B3GALT1: variants seen among roughly 807,000 people sequenced by gnomAD.
B3GALT1 encodes the protein beta-1,3-galactosyltransferase 1, also known as UDP-Gal:betaGlcNAc beta 1,3-galactosyltransferase, polypeptide 1.
A neutral mutation model predicts 23.2 loss-of-function variants in B3GALT1; 10 were observed. The ratio of observed to expected loss-of-function variants is 0.43; its 90% CI spans 0.27 to 0.73. The LOEUF (loss-of-function observed/expected upper bound fraction) is 0.73, where lower values mean the gene tolerates loss of function less well. Among genes scored for constraint, B3GALT1 ranks in the 30% least tolerant of loss-of-function variants. The pLI, the probability that B3GALT1 is intolerant of heterozygous loss-of-function variation, is 0.21. For synonymous variants in B3GALT1, 156 were observed against 141.5 expected (o/e 1.10, Z -0.73); for missense variants, 299 against 405.4 (o/e 0.74, Z 2.25).
At chr2:167,628,801 G>A (rs1685390049) in intron 2 of B3GALT1, among the ~76,000 whole-genome samples, 1 of 151,646 alleles carries the variant, frequency 6.6e-6, no homozygotes, top group African/African-American at 2.4e-5. Context: ...TTAACTGTAA[G>A]CAGTAAAGGC....
At chr2:167,463,084 T>C (rs1699288722) in intron 1 of B3GALT1, among the ~76,000 whole-genome samples, 1 of 152,174 alleles carries the variant, frequency 6.6e-6, no homozygotes, top group South Asian at 2.1e-4. Context: ...TTAAGTTTCA[T>C]CTTTCTTGCA....
intron 3 of B3GALT1, among the ~76,000 whole-genome samples, chr2:167,732,390 C>T (rs1419101738): frequency 1.3e-5 from 2 of 152,208 alleles, no homozygotes; most frequent in Non-Finnish European, 2.9e-5. Flanking sequence ...TTTGGATTCA[C>T]AGTGGTCACT....
chr2:167,585,515 C>G (rs914525837), intron 2 of B3GALT1, among the ~76,000 whole-genome samples: 2 of 152,096 alleles, frequency 1.3e-5, no homozygotes, highest in Non-Finnish European at 2.9e-5. Context: ...AACTACACAC[C>G]CACTAGAATT....
chr2:167,749,194 G>A (rs1179528509), intron 3 of B3GALT1, among the ~76,000 whole-genome samples: 2 of 152,158 alleles, frequency 1.3e-5, no homozygotes, highest in African/African-American at 4.8e-5. Flanking sequence ...CAGATATTGT[G>A]TAACAAGTTA....
intron 2 of B3GALT1, among the ~76,000 whole-genome samples, chr2:167,629,485 A>C (rs1558929940): frequency 6.6e-6 from 1 of 151,712 alleles, no homozygotes; most frequent in East Asian, 1.9e-4. Context: ...ATTCTCATAC[A>C]TGAATTAAGT....
intron 3 of B3GALT1, among the ~76,000 whole-genome samples, chr2:167,665,204 G>C (rs1190167782): frequency 4.0e-5 from 6 of 148,660 alleles, no homozygotes; most frequent in African/African-American, 1.5e-4. Context: ...GGCCTTTTCT[G>C]CATCTATTGA....
chr2:167,835,183 G>A (rs958934704), intron 4 of B3GALT1, among the ~76,000 whole-genome samples: 35 of 152,228 alleles, frequency 2.3e-4, no homozygotes, highest in Admixed American at 7.2e-4. Flanking sequence ...AGTGGGTGCA[G>A]GTTAGTGGGT....
At chr2:167,851,272 T>C (rs1437890134) in intron 4 of B3GALT1, among the ~76,000 whole-genome samples, 1 of 151,810 alleles carries the variant, frequency 6.6e-6, no homozygotes, top group Non-Finnish European at 1.5e-5. Context: ...TGTGATTAGG[T>C]TTACCCCATA....
intron 3 of B3GALT1, among the ~76,000 whole-genome samples, chr2:167,743,979 A>G (rs149601757): frequency 2.0e-4 from 31 of 152,290 alleles, no homozygotes; most frequent in African/African-American, 7.5e-4. Context: ...TTCAGCTGAA[A>G]TATTTTTAAT....
chr2:167,826,209 CCCG>C (rs2105372845), intron 4 of B3GALT1, among the ~76,000 whole-genome samples: 1 of 152,218 alleles, frequency 6.6e-6, no homozygotes, highest in Admixed American at 6.5e-5. Flanking sequence ...TCACTTGACT[CCCG>C]GTCTTGCGCT....
At chr2:167,527,242 A>G (rs1683237991) in intron 2 of B3GALT1, among the ~76,000 whole-genome samples, 1 of 152,092 alleles carries the variant, frequency 6.6e-6, no homozygotes, top group Non-Finnish European at 1.5e-5. Context: ...AACCAACCAT[A>G]TCAATGATAT....
intron 2 of B3GALT1, among the ~76,000 whole-genome samples, chr2:167,509,962 T>A: frequency 6.6e-6 from 1 of 152,062 alleles, no homozygotes; most frequent in East Asian, 1.9e-4. Context: ...CAGAGAGAGA[T>A]GAGAATGGTG....
intron 2 of B3GALT1, among the ~76,000 whole-genome samples, chr2:167,579,095 T>C (rs1218283120): frequency 6.6e-6 from 1 of 152,098 alleles, no homozygotes; most frequent in Admixed American, 6.6e-5. Flanking sequence ...AATCATTTTT[T>C]ACATTGCTTA....
chr2:167,689,449 G>A (rs184102487), intron 3 of B3GALT1, among the ~76,000 whole-genome samples: 2 of 151,948 alleles, frequency 1.3e-5, no homozygotes, highest in South Asian at 2.1e-4. Context: ...AATAAAAGGA[G>A]GAATAGTGGA....
chr2:167,487,351 G>C (rs1699643161), intron 1 of B3GALT1, among the ~76,000 whole-genome samples: 1 of 152,146 alleles, frequency 6.6e-6, no homozygotes, highest in African/African-American at 2.4e-5. Flanking sequence ...TCTGTTTAAA[G>C]TAAGCTTCTC....
At chr2:167,646,083 T>C (rs1311255572) in intron 2 of B3GALT1, among the ~76,000 whole-genome samples, 1 of 152,154 alleles carries the variant, frequency 6.6e-6, no homozygotes, top group African/African-American at 2.4e-5. Flanking sequence ...AAAGAAAGCA[T>C]AGAGATGATC....
At chr2:167,464,107 T>C (rs1699307587) in intron 1 of B3GALT1, among the ~76,000 whole-genome samples, 1 of 152,066 alleles carries the variant, frequency 6.6e-6, no homozygotes, top group Non-Finnish European at 1.5e-5. Context: ...AAGCAGTTAA[T>C]TTAAATGATT....
intron 1 of B3GALT1, among the ~76,000 whole-genome samples, chr2:167,362,135 A>AT (rs1013968505): frequency 2.5e-3 from 370 of 149,280 alleles, no homozygotes; most frequent in African/African-American, 4.8e-3. Context: ...GGTAGCAGAG[A>AT]TTTTTTTTTT....
chr2:167,464,173 T>G (rs6711972), intron 1 of B3GALT1, among the ~76,000 whole-genome samples: 2 of 151,182 alleles, frequency 1.3e-5, no homozygotes, highest in Admixed American at 1.3e-4. Flanking sequence ...TTTTTTTTTT[T>G]AAAAAAGGAT....
Sources: gnomAD v4.1 joint callset for allele counts (sites outside exome capture counted in the v4.1 genomes callset) on GRCh38, gnomAD v4.1.1 for gene constraint, MANE v1.5 for transcripts, NCBI Gene and HGNC (gene_info 2026-07-23, HGNC 2026-07-21) for gene names.